PARD3B: variants seen among roughly 807,000 people sequenced by gnomAD.
PARD3B encodes the protein par-3 family cell polarity regulator beta, also known as partitioning defective 3 homolog B.
A neutral mutation model predicts 130.2 loss-of-function variants in PARD3B; 103 were observed. That is an observed-to-expected ratio of 0.79 (90% CI 0.67 to 0.93). The LOEUF (loss-of-function observed/expected upper bound fraction) is 0.93. Among genes scored for constraint, PARD3B ranks in the 40% least tolerant of loss-of-function variants. PARD3B has a pLI of 0.00. For synonymous variants in PARD3B, 583 were observed against 553.2 expected (o/e 1.05, Z -0.76); for missense variants, 1,609 against 1,499.2 (o/e 1.07, Z -1.21).
At chr2:205,283,422 C>A (rs1486835275) in intron 16 of PARD3B, among the ~76,000 whole-genome samples, 1 of 152,118 alleles carries the variant, frequency 6.6e-6, no homozygotes, top group African/African-American at 2.4e-5. Flanking sequence ...GTAGCTGGGA[C>A]CACAGGCGTG....
chr2:205,200,769 C>A (rs1027596244), intron 15 of PARD3B, among the ~76,000 whole-genome samples: 1 of 152,020 alleles, frequency 6.6e-6, no homozygotes, highest in Non-Finnish European at 1.5e-5. Flanking sequence ...TTCCTAAAGC[C>A]AAATTCAGGT....
chr2:205,612,641 T>G (rs946916510), intron 22 of PARD3B, among the ~76,000 whole-genome samples: 2 of 152,190 alleles, frequency 1.3e-5, no homozygotes, highest in African/African-American at 4.8e-5. Flanking sequence ...GTAGGCCAAC[T>G]CATTGTTTTT....
intron 2 of PARD3B, among the ~76,000 whole-genome samples, chr2:204,766,526 A>G (rs942638256): frequency 2.6e-5 from 4 of 152,088 alleles, no homozygotes; most frequent in Admixed American, 6.6e-5. Flanking sequence ...TTAGTGTACT[A>G]TACTCTTAAT....
chr2:205,550,951 A>ATATATATATATATG lies in PARD3B; in HGVS notation c.3181-2372_3181-2371insATATATATATATGT, dbSNP rs1553542788. Among the ~76,000 whole-genome samples the ATATATATATATATG allele has an allele frequency of 7.7e-5, 6 of 77,576 alleles. No individual in the cohort carries two copies. The highest frequency in any genetic ancestry group is 1.3e-4 in the African/African-American group (3 of 22,476). 50.9% of individuals were successfully genotyped at this position (77,576 alleles called of 152,430 possible). ...TGTGTGTGTGTGTGTGTATATATAT[A>ATATATATATATATG]TGTGTATATATATATATATATATAT... On this transcript the variant is annotated intron_variant, in intron 21 of 22. Coordinates refer to ENST00000406610, the MANE Select transcript of PARD3B (RefSeq NM_001302769.2). The surrounding 1 kb of genome is among the most constrained non-coding windows in gnomAD (Gnocchi z 4.5).
rs555434583 is a variant in PARD3B at position 204,813,865 on chromosome 2, A to G, written c.222+127583A>G. 2.1e-4 allele frequency among the ~76,000 whole-genome samples: 32 copies of G among 152,152 alleles called. No individual in the cohort carries two copies. The South Asian group carries it at 6.2e-3, about 30-fold the overall frequency. ...TTGGCTCATGACTATCTTGATTACT[A>G]TCTCTTTATAATATTGTAAGTTTTG... On this transcript the variant is annotated intron_variant, in intron 2 of 22. Coordinates refer to ENST00000406610, the MANE Select transcript of PARD3B (RefSeq NM_001302769.2).
intron 6 of PARD3B, among the ~76,000 whole-genome samples, chr2:205,114,729 T>C (rs1429790071): frequency 6.8e-6 from 1 of 147,570 alleles, no homozygotes; most frequent in African/African-American, 2.5e-5. Flanking sequence ...AGCCATCTGC[T>C]ACCTGTAATT....
chr2:205,379,199 A>G (rs1156596493), intron 18 of PARD3B, among the ~76,000 whole-genome samples: 1 of 152,174 alleles, frequency 6.6e-6, no homozygotes, highest in Non-Finnish European at 1.5e-5. Flanking sequence ...CTACTTCACT[A>G]CAAATTCACT....
At chr2:205,024,330 G>A (rs367548082) in intron 3 of PARD3B, among the ~76,000 whole-genome samples, 19 of 151,460 alleles carry the variant, frequency 1.3e-4, no homozygotes, top group East Asian at 9.7e-4. Context: ...CACCACACCC[G>A]GCTAATTTTT....
chr2:205,614,818 T>C (rs939381848), intron 22 of PARD3B, among the ~76,000 whole-genome samples: 10 of 152,002 alleles, frequency 6.6e-5, no homozygotes, highest in Non-Finnish European at 1.2e-4. Context: ...CACCAAGATG[T>C]AACAGCAGCC....
chr2:205,224,388 AG>A (rs1574438459), intron 15 of PARD3B, among the ~76,000 whole-genome samples: 66 of 133,280 alleles, frequency 5.0e-4, no homozygotes, highest in Middle Eastern at 3.7e-3. Context: ...AAAAAAAAAA[AG>A]AAAGAAAGAA....
intron 3 of PARD3B, among the ~76,000 whole-genome samples, chr2:205,023,663 C>T (rs1345742806): frequency 2.0e-5 from 3 of 151,372 alleles, no homozygotes; most frequent in Non-Finnish European, 4.4e-5. Flanking sequence ...ATACTGCAGC[C>T]AGGAAATATT....
intron 21 of PARD3B, among the ~76,000 whole-genome samples, chr2:205,524,417 C>A (rs1162340287): frequency 6.6e-6 from 1 of 152,130 alleles, no homozygotes; most frequent in Non-Finnish European, 1.5e-5. Flanking sequence ...GGAGTGGAGC[C>A]AAAACCCTCA....
rs74395529 is a variant in PARD3B at position 205,574,444 on chromosome 2, T to C, written c.3260+21041T>C. 5.9e-5 allele frequency among the ~76,000 whole-genome samples: 9 copies of C among 152,322 alleles called. No individual in the cohort carries two copies. The East Asian group carries it at 1.7e-3, about 29-fold the overall frequency. ...CTGTGTGGCTATGCCCATGTAAGCA[T>C]TGTTATCCACGGGCTGCAGCTGGAC... On this transcript the variant is annotated intron_variant, in intron 22 of 22. Transcript: ENST00000406610.
chr2:204,837,155 T>C (rs1431768087), intron 2 of PARD3B, among the ~76,000 whole-genome samples: 3 of 152,128 alleles, frequency 2.0e-5, no homozygotes, highest in Admixed American at 6.5e-5. Flanking sequence ...GCAACATACA[T>C]TCTAGTAATA....
rs543999242 is a variant in PARD3B, at chr2:204,952,019, A to G, written c.223-13133A>G. ...GGATAGTGGGGGATTGTGGAAGAAAAGCTAAAATACATAAAATGTTATTTT... is the reference window on the plus strand; with the variant it reads ...GGATAGTGGGGGATTGTGGAAGAAAGGCTAAAATACATAAAATGTTATTTT... On this transcript the variant is annotated intron_variant, in intron 2 of 22. Coordinates refer to ENST00000406610, the MANE Select transcript of PARD3B (RefSeq NM_001302769.2). 3.3e-5 allele frequency among the ~76,000 whole-genome samples: 5 copies of G among 152,320 alleles called. No individual in the cohort carries two copies. The South Asian group carries it at 1.0e-3, about 32-fold the overall frequency.
At chr2:205,131,701 A>G (rs2032013223) in intron 10 of PARD3B, among the ~76,000 whole-genome samples, 1 of 152,212 alleles carries the variant, frequency 6.6e-6, no homozygotes, top group East Asian at 1.9e-4. Flanking sequence ...GCAGAGCCAC[A>G]TGGGCAAAAG....
intron 10 of PARD3B, among the ~76,000 whole-genome samples, chr2:205,136,367 A>G (rs962871007): frequency 2.6e-5 from 4 of 152,214 alleles, no homozygotes; most frequent in African/African-American, 9.6e-5. Flanking sequence ...GTGGTGGTGG[A>G]CATAATAGTA....
rs200758958 is a variant in PARD3B at position 205,453,983 on chromosome 2, CCTCCCTTT to C, written c.3044+13318_3044+13325del. Among the ~76,000 whole-genome samples the C allele has an allele frequency of 5.1e-3, 783 of 152,234 alleles. 4 individuals are homozygous for C. Among genetic ancestry groups the C allele is most frequent in the African/African-American group, 0.015 (624 of 41,550 alleles). ...CTGACCTGCCAGATATTTCTCCCTT[CCTCCCTTT>C]CTCCCTCATTTATTCATTCATTAAC... On this transcript the variant is annotated intron_variant, in intron 20 of 22. Coordinates refer to ENST00000406610, the MANE Select transcript of PARD3B (RefSeq NM_001302769.2).
chr2:205,382,960 A>T (rs186706512), intron 18 of PARD3B, among the ~76,000 whole-genome samples: 11 of 152,044 alleles, frequency 7.2e-5, no homozygotes, highest in Admixed American at 7.2e-4. Context: ...CCAGGAATGA[A>T]CCACTTCTCC....
Sources: gnomAD v4.1 joint callset for allele counts (sites outside exome capture counted in the v4.1 genomes callset) on GRCh38, gnomAD v4.1.1 for gene constraint, Gnocchi (gnomAD v3.1) non-coding constraint, MANE v1.5 for transcripts, NCBI Gene and HGNC (gene_info 2026-07-23, HGNC 2026-07-21) for gene names.